RTN4IP1: variants seen among roughly 807,000 people sequenced by gnomAD.
RTN4IP1 encodes the protein NAD(P)H oxidoreductase RTN4IP1, mitochondrial.
In RTN4IP1, 32 loss-of-function variants were observed where a neutral mutation model predicts 46.6. That is an observed-to-expected ratio of 0.69 (90% CI 0.52 to 0.92). RTN4IP1 has a LOEUF of 0.92. Ranked by LOEUF, RTN4IP1 falls within the 40% of genes least tolerant of loss-of-function variation. RTN4IP1 has a pLI of 0.00. For synonymous variants in RTN4IP1, 167 were observed against 161.8 expected, an observed-to-expected ratio of 1.03 and a Z score of -0.24; for missense variants, 424 against 485.8, an observed-to-expected ratio of 0.87 and a Z score of 1.20.
chr6:106,623,798 C>T lies in RTN4IP1; in HGVS notation c.275-829G>A, dbSNP rs184177959. Among the ~76,000 whole-genome samples, 512 of 152,282 alleles carry T rather than the reference C, an allele frequency of 3.4e-3. 5 individuals carry two copies. The highest frequency in any genetic ancestry group is 0.012 in the African/African-American group (480 of 41,566). On this transcript the variant is annotated intron_variant, in intron 1 of 8. Coordinates refer to ENST00000369063, the MANE Select transcript of RTN4IP1 (RefSeq NM_032730.5). ...ATGTCTTTATTAACGTACTCATTCA[C>T]AAACTTTTTAAACAACAGAATATTT...
intron 5 of RTN4IP1, 141 bp from the exon 6 acceptor site, chr6:106,592,441 G>T: frequency 1.2e-6 from 1 of 819,784 alleles, no homozygotes; most frequent in Non-Finnish European, 1.9e-6. Context: ...ATCTTAACCA[G>T]AACTATAGGA....
chr6:106,592,469 T>C (rs2092579573), intron 5 of RTN4IP1, among the ~76,000 whole-genome samples, 169 bp from the exon 6 acceptor site: 1 of 152,194 alleles, frequency 6.6e-6, no homozygotes, highest in South Asian at 2.1e-4. Flanking sequence ...TGTCAGAGAC[T>C]AGTAAAAATG....
At chr6:106,627,994 G>T (rs182673863) in intron 1 of RTN4IP1, among the ~76,000 whole-genome samples, 56 of 142,618 alleles carry the variant, frequency 3.9e-4, no homozygotes, top group Admixed American at 2.4e-3. Context: ...CTTGAACCCG[G>T]AAGGCGGAGG....
At chr6:106,586,050 G>A (rs943223858) in intron 7 of RTN4IP1, among the ~76,000 whole-genome samples, 2 of 152,202 alleles carry the variant, frequency 1.3e-5, no homozygotes, top group African/African-American at 2.4e-5. Flanking sequence ...CCACAGTGCA[G>A]CGCTTGGTTT....
chr6:106,607,283 C>CAA (rs34416548), intron 4 of RTN4IP1, among the ~76,000 whole-genome samples: 3 of 149,334 alleles, frequency 2.0e-5, no homozygotes, highest in Admixed American at 6.7e-5. Flanking sequence ...ACATAAGACC[C>CAA]AAAAAAAAAC....
At chr6:106,629,522 G>C (rs2085066884), upstream of RTN4IP1, 1 of 967,066 alleles carries the variant, frequency 1.0e-6, no homozygotes. Context: ...CGCCTACAAA[G>C]ATCATTTCCT....
chr6:106,603,018 A>C (rs1019175452), intron 4 of RTN4IP1, 96 bp from the exon 5 acceptor site: 12 of 815,082 alleles, frequency 1.5e-5, no homozygotes, highest in Non-Finnish European at 2.1e-5. Context: ...TAAGATGATA[A>C]ATAATTCTAA....
At chr6:106,617,571 A>G (rs1002695498) in intron 4 of RTN4IP1, among the ~76,000 whole-genome samples, 3 of 152,158 alleles carry the variant, frequency 2.0e-5, no homozygotes, top group African/African-American at 7.2e-5. Flanking sequence ...CAGGGCTCCA[A>G]CTTCCCAGTT....
chr6:106,589,762 G>A (rs567634684), intron 6 of RTN4IP1, among the ~76,000 whole-genome samples: 1 of 152,318 alleles, frequency 6.6e-6, no homozygotes, highest in East Asian at 1.9e-4. Flanking sequence ...TAGGTAGACT[G>A]AGAGGTCAAA....
intron 6 of RTN4IP1, among the ~76,000 whole-genome samples, chr6:106,588,359 G>A (rs932189436): frequency 6.6e-6 from 1 of 152,210 alleles, no homozygotes; most frequent in African/African-American, 2.4e-5. Flanking sequence ...TAAAATATGA[G>A]ATTTTCACCT....
chr6:106,610,745 A>G (rs1460198109), intron 4 of RTN4IP1, among the ~76,000 whole-genome samples: 1 of 152,160 alleles, frequency 6.6e-6, no homozygotes, highest in Non-Finnish European at 1.5e-5. Context: ...GTACACATAT[A>G]GAGCTTCTTT....
intron 7 of RTN4IP1, among the ~76,000 whole-genome samples, chr6:106,587,219 T>C (rs970141981): frequency 6.6e-6 from 1 of 152,226 alleles, no homozygotes; most frequent in African/African-American, 2.4e-5. Flanking sequence ...TTCATCTTTA[T>C]ATACAAGAGA....
Position 106,571,862 on chromosome 6 carries a change from A to AT in RTN4IP1, c.*133dup, listed in dbSNP as rs568289246. On this transcript the variant is annotated 3_prime_UTR_variant, in exon 9 of 9. Coordinates refer to ENST00000369063, the MANE Select transcript of RTN4IP1 (RefSeq NM_032730.5). Reference sequence around the variant, plus strand: ...AATTACTGGCCAAAATGGTGTGTTTATTTTTTAAAGCTTGTATCATGGAAT... The same window carrying AT: ...AATTACTGGCCAAAATGGTGTGTTTATTTTTTTAAAGCTTGTATCATGGAAT... The AT allele has an allele frequency of 5.8e-4, 344 of 592,190 alleles. 3 individuals are homozygous for AT. In the African/African-American group the frequency reaches 5.9e-3, roughly 10 times the overall value. 36.7% of individuals were successfully genotyped at this position (592,190 alleles called of 1,614,324 possible).
chr6:106,579,383 T>C (rs1198881161), intron 8 of RTN4IP1, among the ~76,000 whole-genome samples: 1 of 152,098 alleles, frequency 6.6e-6, no homozygotes, highest in East Asian at 1.9e-4. Flanking sequence ...CAAACTGAAA[T>C]TGTGCCCAGA....
At chr6:106,627,327 G>A (rs1426449036) in intron 1 of RTN4IP1, among the ~76,000 whole-genome samples, 1 of 152,164 alleles carries the variant, frequency 6.6e-6, no homozygotes, top group Admixed American at 6.5e-5. Flanking sequence ...AATTACGCAT[G>A]TGCATTTAAA....
intron 5 of RTN4IP1, among the ~76,000 whole-genome samples, chr6:106,599,626 TA>T (rs1368926049): frequency 1.3e-5 from 2 of 152,100 alleles, no homozygotes; most frequent in African/African-American, 4.8e-5. Context: ...TGTGCAATTA[TA>T]GTTTTTTCAT....
At chr6:106,621,275 T>G in intron 3 of RTN4IP1, 150 bp downstream of exon 3, 2 of 612,378 alleles carry the variant, frequency 3.3e-6, no homozygotes, top group Non-Finnish European at 5.7e-6. Flanking sequence ...AATACTTTTT[T>G]AATCTCTCAA....
At chr6:106,596,346 G>T (rs1562140977) in intron 5 of RTN4IP1, among the ~76,000 whole-genome samples, 1 of 152,174 alleles carries the variant, frequency 6.6e-6, no homozygotes, top group Non-Finnish European at 1.5e-5. Context: ...ACTTTGGGAG[G>T]CTGAGGCAGG....
At chr6:106,621,197 C>T (rs945893015) in intron 3 of RTN4IP1, among the ~76,000 whole-genome samples, 2 of 152,302 alleles carry the variant, frequency 1.3e-5, no homozygotes, top group African/African-American at 2.4e-5. Flanking sequence ...TTCTAGGTCT[C>T]ATTCCAAATC....
Sources: allele counts gnomAD v4.1 joint callset (sites outside exome capture counted in the v4.1 genomes callset), GRCh38; gene constraint gnomAD v4.1.1; transcripts MANE v1.5; gene names NCBI Gene and HGNC (gene_info 2026-07-23, HGNC 2026-07-21).